The following SQLE variants were observed in gnomAD, a reference collection of about 807,000 sequenced individuals.
The protein encoded by SQLE is squalene epoxidase.
A neutral mutation model predicts 60.7 loss-of-function variants in SQLE; 29 were observed. The ratio of observed to expected loss-of-function variants is 0.48; its 90% CI spans 0.36 to 0.65. SQLE has a LOEUF of 0.65. Among genes scored for constraint, SQLE ranks in the 30% least tolerant of loss-of-function variants. The probability of loss-of-function intolerance (pLI) is 0.00; values close to 1 mark genes in which losing one functional copy is unlikely to be tolerated. For synonymous variants in SQLE, 237 were observed against 246.8 expected, an observed-to-expected ratio of 0.96 and a Z score of 0.37; for missense variants, 605 against 684.1, an observed-to-expected ratio of 0.88 and a Z score of 1.29.
chr8:124,999,307 C>T lies in SQLE; in HGVS notation c.-97C>T. Reference sequence around the variant, plus strand: ...GTTTACTGGAGTCTGGCCGGCTCTCCGTGCTCCTCTTGGTACCTCATTTTG... The same window carrying T: ...GTTTACTGGAGTCTGGCCGGCTCTCTGTGCTCCTCTTGGTACCTCATTTTG... On this transcript the variant is annotated 5_prime_UTR_variant, in exon 1 of 11. Coordinates refer to ENST00000265896, the MANE Select transcript of SQLE (RefSeq NM_003129.4). The T allele has an allele frequency of 1.6e-6, 2 of 1,252,268 alleles. No homozygotes were observed. The highest frequency in any genetic ancestry group is 2.1e-6 in the Non-Finnish European group (2 of 962,716). The allele number at this position is 1,252,268 out of a possible 1,614,324, so 77.6% of individuals were successfully genotyped here.
rs1393891549 is a variant in SQLE, at chr8:124,998,616, C to T, written c.-788C>T. ...CCGCGAGGGATGCTGGTGAGGAAGC[C>T]GTCGGGAGCCGCCGCCGCCATCTGA... On this transcript the variant is annotated 5_prime_UTR_variant, in exon 1 of 11. Coordinates refer to ENST00000265896, the MANE Select transcript of SQLE (RefSeq NM_003129.4). 4 of 684,012 alleles carry T rather than the reference C, an allele frequency of 5.8e-6. No homozygotes were observed. Among genetic ancestry groups the T allele is most frequent in the Non-Finnish European group, 1.1e-5 (4 of 376,270 alleles). 42.4% of individuals were successfully genotyped at this position (684,012 alleles called of 1,614,324 possible).
intron 4 of SQLE, 56 bp from the exon 5 acceptor site, chr8:125,008,914 CT>C (rs963670862): frequency 2.1e-5 from 26 of 1,267,392 alleles, no homozygotes; most frequent in Admixed American, 3.0e-5. Context: ...TTAAGAATGG[CT>C]TTTTTTACTG....
rs1814887009 is a variant in SQLE, at chr8:125,003,158, C to CAT, written c.292-18_292-17insAT. On this transcript the variant is annotated splice_polypyrimidine_tract_variant and intron_variant, in intron 1 of 10. Transcript: ENST00000265896. The stretch of plus-strand genomic sequence containing the variant: ...TAACAAATTTGGATACCTAGTTTAC[C>CAT]TTTTTTTTTTTAAACAGCGCAGAAA... The CAT allele has an allele frequency of 8.9e-7, 1 of 1,117,842 alleles. No individual in the cohort carries two copies. Among genetic ancestry groups the CAT allele is most frequent in the South Asian group, 1.5e-5 (1 of 64,764 alleles). 69.2% of individuals were successfully genotyped at this position (1,117,842 alleles called of 1,614,324 possible).
At chr8:125,002,350 G>GA (rs1373789491) in intron 1 of SQLE, among the ~76,000 whole-genome samples, 1 of 152,152 alleles carries the variant, frequency 6.6e-6, no homozygotes, top group East Asian at 1.9e-4. Context: ...TTTTTCAAAT[G>GA]AAAATCCAGA....
chr8:124,999,496 C>T lies in SQLE; in HGVS notation c.93C>T (p.Cys31=). The T allele has an allele frequency of 1.2e-6, 2 of 1,604,516 alleles. No individual in the cohort carries two copies. The highest frequency in any genetic ancestry group is 1.7e-6 in the Non-Finnish European group (2 of 1,175,062). ...ITLANREVLL[C]VLVFLSLGLV... is the part of the protein sequence containing the mutation. ...TGGCCAACAGGGAGGTCCTGTTGTGCGTGCTGGTGTTCCTCTCGCTGGGCC... is the reference window on the plus strand; with the variant it reads ...TGGCCAACAGGGAGGTCCTGTTGTGTGTGCTGGTGTTCCTCTCGCTGGGCC... Residue 31 remains cysteine, a synonymous_variant, in exon 1 of 11, where the codon TGC becomes TGT. Coordinates refer to ENST00000265896, the MANE Select transcript of SQLE (RefSeq NM_003129.4).
At chr8:125,019,236 C>CACGGTCAATGTATATATTAGAGAAA (rs1815161461) in intron 9 of SQLE, 1 of 154,584 alleles carries the variant, frequency 6.5e-6, no homozygotes, top group Non-Finnish European at 1.4e-5. Flanking sequence ...ATACAGAGGT[C>CACGGTCAATGTATATATTAGAGAAA]ACGGTCAATG....
intron 1 of SQLE, among the ~76,000 whole-genome samples, chr8:125,000,842 AG>A (rs1407663611): frequency 4.6e-5 from 7 of 152,340 alleles, no homozygotes; most frequent in East Asian, 3.9e-4. Context: ...CTATCAGGCA[AG>A]AGACTATAGC....
At position 125,020,891 on chromosome 8, in the gene SQLE, A is replaced by G; in HGVS notation, c.1532+20A>G. ...TTCTGTGTAAGTTGTGATGGCACAG[A>G]GGATACAAACCTGCCAGATTTTCTT... On this transcript the variant is annotated intron_variant, in intron 10 of 10. Transcript: ENST00000265896. 6.3e-7 allele frequency: 1 copy of G among 1,583,454 alleles called. No individual in the cohort carries two copies. The highest frequency in any genetic ancestry group is 8.7e-7 in the Non-Finnish European group (1 of 1,152,920).
At chr8:125,007,630 T>A in intron 4 of SQLE, 143 bp downstream of exon 4, 2 of 517,290 alleles carry the variant, frequency 3.9e-6, no homozygotes, top group South Asian at 7.7e-5. Flanking sequence ...TGTTTCAGAT[T>A]TTTTATTTTT....
At chr8:125,012,754 A>G (rs542142570) in intron 7 of SQLE, among the ~76,000 whole-genome samples, 1 of 152,098 alleles carries the variant, frequency 6.6e-6, no homozygotes, top group Non-Finnish European at 1.5e-5. Context: ...ATATATTTTC[A>G]TTTTTCTTGG....
At chr8:125,003,091 A>C (rs1814883791) in intron 1 of SQLE, 85 bp from the exon 2 acceptor site, 1 of 1,342,086 alleles carries the variant, frequency 7.5e-7, no homozygotes, top group Non-Finnish European at 9.9e-7. Context: ...CCTAGGATGC[A>C]AAAGTCCAGT....
At chr8:125,005,500 T>A (rs1382497484) in intron 2 of SQLE, 25 bp from the exon 3 acceptor site, 1 of 1,532,648 alleles carries the variant, frequency 6.5e-7, no homozygotes, top group Admixed American at 1.9e-5. Flanking sequence ...CAGAATTGAT[T>A]GTTTTGAACT....
chr8:125,017,909 TC>T, intron 7 of SQLE, 149 bp from the exon 8 acceptor site: 1 of 956,472 alleles, frequency 1.0e-6, no homozygotes, highest in South Asian at 1.7e-5. Flanking sequence ...AATTTTTGCC[TC>T]AGCAAATTTT....
At position 125,005,628 on chromosome 8, in the gene SQLE, T is replaced by C. The variant is rs569518729; in HGVS notation, c.648T>C (p.Asn216=). 4.8e-4 allele frequency: 780 copies of C among 1,611,956 alleles called. 5 individuals carry two copies. The South Asian group carries it at 8.0e-3, about 17-fold the overall frequency. The part of the protein sequence containing the change: ...VQIPYPLSEN[N]QVQSGRAFHH... ...TTCCTTACCCTCTGTCAGAAAACAATCAAGTGCAGAGTGGAAGAGCTTTCC... is the reference window on the plus strand; with the variant it reads ...TTCCTTACCCTCTGTCAGAAAACAACCAAGTGCAGAGTGGAAGAGCTTTCC... Residue 216 remains asparagine, a synonymous_variant, in exon 3 of 11, where the codon AAT becomes AAC. Coordinates refer to ENST00000265896, the MANE Select transcript of SQLE (RefSeq NM_003129.4).
intron 9 of SQLE, among the ~76,000 whole-genome samples, chr8:125,020,558 T>G (rs953538370): frequency 1.3e-5 from 2 of 152,202 alleles, no homozygotes; most frequent in Non-Finnish European, 2.9e-5. Flanking sequence ...GACCTAAATA[T>G]TAGTAGTTAT....
In SQLE at chr8:125,009,011, T is replaced by C. The variant is rs1158582850; in HGVS notation, c.863T>C (p.Phe288Ser). Residue 288 changes from phenylalanine (F) to serine (S), a missense_variant, in exon 5 of 11, where the codon TTC becomes TCC. Phe to Ser is a radical substitution (Grantham distance 155). Transcript: ENST00000265896. ...APLTVVADGL[F>S]SKFRKSLVSN... ...CTGACTGTTGTTGCAGATGGGCTTT[T>C]CTCCAAGTTCAGGAAAAGCCTGGTC... 6.3e-7 allele frequency: 1 copy of C among 1,595,794 alleles called. No homozygotes were observed. Among genetic ancestry groups the C allele is most frequent in the South Asian group, 1.2e-5 (1 of 86,314 alleles).
chr8:125,009,905 C>T (rs1193744222), intron 6 of SQLE, among the ~76,000 whole-genome samples: 3 of 152,102 alleles, frequency 2.0e-5, no homozygotes, highest in Admixed American at 6.5e-5. Context: ...GGACACGAAT[C>T]TGACTCTGAA....
intron 8 of SQLE, 149 bp from the exon 9 acceptor site, chr8:125,018,481 AT>A: frequency 1.5e-6 from 1 of 668,860 alleles, no homozygotes. Flanking sequence ...TCTGAAGGTG[AT>A]TTTTTATTTT....
At chr8:125,018,305 C>A (rs1013701574) in intron 8 of SQLE, 104 bp downstream of exon 8, 3 of 1,167,414 alleles carry the variant, frequency 2.6e-6, no homozygotes, top group Admixed American at 4.9e-5. Flanking sequence ...GAACCTGATG[C>A]TTTATAATAG....
Sources: gnomAD v4.1 joint callset for allele counts (sites outside exome capture counted in the v4.1 genomes callset) on GRCh38, gnomAD v4.1.1 for gene constraint, MANE v1.5 for transcripts, NCBI Gene and HGNC (gene_info 2026-07-23, HGNC 2026-07-21) for gene names.